The following C11orf54 variants were observed in gnomAD, a reference collection of about 807,000 sequenced individuals.
The protein encoded by C11orf54 is beta-keto-L-gulonate decarboxylase, also known as beta-keto L-gulonate decarboxylase.
C11orf54 carries 29 observed loss-of-function variants against 35.5 expected under a neutral mutation model. The ratio of observed to expected loss-of-function variants is 0.82; its 90% CI spans 0.61 to 1.11. The LOEUF is 1.11. Among genes scored for constraint, C11orf54 ranks in the 50% most tolerant of loss-of-function variants. The pLI is 0.00. For missense variants in C11orf54, 373 were observed against 369.2 expected (o/e 1.01, Z -0.08); for synonymous variants, 108 against 121.1 (o/e 0.89, Z 0.71).
intron 1 of C11orf54, among the ~76,000 whole-genome samples, chr11:93,745,018 G>A (rs908705418): frequency 6.6e-6 from 1 of 152,184 alleles, no homozygotes; most frequent in African/African-American, 2.4e-5. Context: ...GTGTAAGTAG[G>A]CTAGATTCAT....
chr11:93,744,000 C>CAT (rs1477816781), intron 1 of C11orf54, among the ~76,000 whole-genome samples: 1 of 152,182 alleles, frequency 6.6e-6, no homozygotes, highest in African/African-American at 2.4e-5. Context: ...TAAACACTCA[C>CAT]ATACACATGC....
chr11:93,760,112 AATTT>A (rs1943379125), intron 8 of C11orf54, among the ~76,000 whole-genome samples: 1 of 152,044 alleles, frequency 6.6e-6, no homozygotes, highest in Admixed American at 6.6e-5. Context: ...ATGCCTGGCT[AATTT>A]TTGTATATTT....
chr11:93,759,209 C>T (rs752576825), intron 7 of C11orf54, among the ~76,000 whole-genome samples: 1 of 152,180 alleles, frequency 6.6e-6, no homozygotes, highest in African/African-American at 2.4e-5. Context: ...TACACGCACA[C>T]ATATGTTTAT....
At chr11:93,743,998 C>T (rs1171811068) in intron 1 of C11orf54, among the ~76,000 whole-genome samples, 1 of 152,172 alleles carries the variant, frequency 6.6e-6, no homozygotes, top group African/African-American at 2.4e-5. Flanking sequence ...CATAAACACT[C>T]ACATACACAT....
At position 93,755,278 on chromosome 11, in the gene C11orf54, G is replaced by T; in HGVS notation, c.399G>T (p.Val133=). 1.9e-6 allele frequency: 3 copies of T among 1,614,118 alleles called. No individual in the cohort carries two copies. Among genetic ancestry groups the T allele is most frequent in the Non-Finnish European group, 1.7e-6 (2 of 1,179,996 alleles). The change falls in exon 6 of 9, where the codon GTG becomes GTT. Residue 133 remains valine, a synonymous_variant. Transcript: ENST00000354421. ...PPVNGSYFAH[V]NPADGGCLLE... is the part of the protein sequence containing the mutation. ...TAAATGGAAGTTACTTTGCCCATGT[G>T]AACCCTGCAGATGGAGGGTGCCTAC...
chr11:93,752,439 T>G (rs1006816987), intron 3 of C11orf54, among the ~76,000 whole-genome samples: 1 of 152,128 alleles, frequency 6.6e-6, no homozygotes, highest in African/African-American at 2.4e-5. Flanking sequence ...CTAGTACTAT[T>G]TAACCTCTCC....
intron 2 of C11orf54, among the ~76,000 whole-genome samples, chr11:93,749,061 G>A (rs868840765): frequency 1.5e-4 from 23 of 150,530 alleles, no homozygotes; most frequent in Admixed American, 5.3e-4. Context: ...GGAGAATGGC[G>A]TGAACCTGGG....
intron 3 of C11orf54, among the ~76,000 whole-genome samples, chr11:93,751,280 G>C (rs562159578): frequency 1.3e-5 from 2 of 152,036 alleles, no homozygotes; most frequent in African/African-American, 4.8e-5. Context: ...TTTTTTGGGG[G>C]CCTTTACAGC....
At chr11:93,755,721 C>G (rs1301468434) in intron 6 of C11orf54, among the ~76,000 whole-genome samples, 3 of 149,038 alleles carry the variant, frequency 2.0e-5, no homozygotes, top group African/African-American at 7.4e-5. Flanking sequence ...CTACTACCCT[C>G]CAGTCTGGGC....
intron 2 of C11orf54, among the ~76,000 whole-genome samples, chr11:93,748,815 A>G (rs1199038632): frequency 6.7e-6 from 1 of 149,678 alleles, no homozygotes; most frequent in Non-Finnish European, 1.5e-5. Context: ...CGACCTGGGC[A>G]ACAACACGAG....
At chr11:93,754,133 T>A in intron 5 of C11orf54, 96 bp downstream of exon 5, 1 of 1,022,910 alleles carries the variant, frequency 9.8e-7, no homozygotes, top group South Asian at 1.4e-5. Context: ...CTGAGTGAAT[T>A]GTAAATCTCT....
intron 7 of C11orf54, among the ~76,000 whole-genome samples, chr11:93,758,587 G>A (rs1591364747): frequency 1.3e-5 from 2 of 152,358 alleles, no homozygotes; most frequent in African/African-American, 4.8e-5. Context: ...CTCCGATCCA[G>A]GAGCAAAGTC....
Position 93,755,315 on chromosome 11 carries a change from A to C in C11orf54, c.436A>C (p.Ser146Arg), listed in dbSNP as rs74351218. Residue 146 changes from serine (S) to arginine (R), a missense_variant, in exon 6 of 9, where the codon AGT (serine) becomes CGT (arginine). Ser to Arg is a moderately radical substitution (Grantham distance 110). Coordinates refer to ENST00000354421, the MANE Select transcript of C11orf54 (RefSeq NM_001286069.2). The stretch of plus-strand genomic sequence containing the variant: ...TGGAGGGTGCCTACTGGAGAAATAC[A>C]GTGAGAAATGTCATGATTTTCAGTG... ...ADGGCLLEKY[S>R]EKCHDFQCAL... The C allele has an allele frequency of 1.0e-3, 1,665 of 1,614,196 alleles. 18 individuals are homozygous for C. In the African/African-American group the frequency reaches 0.019, roughly 19 times the overall value.
intron 2 of C11orf54, 24 bp from the exon 3 acceptor site, chr11:93,750,322 A>G: frequency 6.3e-7 from 1 of 1,598,142 alleles, no homozygotes; most frequent in Non-Finnish European, 8.6e-7. Context: ...AATGTTAAAT[A>G]ATCTTATTCC....
Position 93,763,637 on chromosome 11 carries a change from T to C in C11orf54, c.*1949T>C, listed in dbSNP as rs542242035. The C allele has an allele frequency of 6.6e-6, 1 of 152,280 alleles. No homozygotes were observed. The highest frequency in any genetic ancestry group is 2.1e-4 in the South Asian group (1 of 4,828). The allele number at this position is 152,280 out of a possible 1,614,324, so 9.4% of individuals were successfully genotyped here. On this transcript the variant is annotated 3_prime_UTR_variant, in exon 9 of 9. Coordinates refer to ENST00000354421, the MANE Select transcript of C11orf54 (RefSeq NM_001286069.2). ...TGGGCATGGTTGTGCACACCTGTTGTCCCAGCTGCTCAGGAGGCTGAGGCA... is the reference window on the plus strand; with the variant it reads ...TGGGCATGGTTGTGCACACCTGTTGCCCCAGCTGCTCAGGAGGCTGAGGCA...
At chr11:93,751,362 A>C (rs1942809654) in intron 3 of C11orf54, among the ~76,000 whole-genome samples, 1 of 146,642 alleles carries the variant, frequency 6.8e-6, no homozygotes, top group Non-Finnish European at 1.5e-5. Flanking sequence ...AATTTCTTTT[A>C]GCTTCTTCAA....
chr11:93,746,160 C>T (rs762563503), intron 1 of C11orf54: 1 of 152,114 alleles, frequency 6.6e-6, no homozygotes, highest in Non-Finnish European at 1.5e-5. Context: ...GAACTAGAAA[C>T]CCAGTTTCTA....
chr11:93,758,082 G>A (rs1472850494), intron 7 of C11orf54, among the ~76,000 whole-genome samples: 1 of 152,196 alleles, frequency 6.6e-6, no homozygotes, highest in East Asian at 1.9e-4. Context: ...GGCCCAGGTG[G>A]GAGGACCGCT....
At chr11:93,750,853 G>A (rs1942775821) in intron 3 of C11orf54, among the ~76,000 whole-genome samples, 1 of 152,296 alleles carries the variant, frequency 6.6e-6, no homozygotes, top group East Asian at 1.9e-4. Context: ...CAACAAATTT[G>A]CCAAGTGAGC....
Sources: gnomAD v4.1 joint callset for allele counts (sites outside exome capture counted in the v4.1 genomes callset) on GRCh38, gnomAD v4.1.1 for gene constraint, MANE v1.5 for transcripts, NCBI Gene and HGNC (gene_info 2026-07-23, HGNC 2026-07-21) for gene names.